Variants in ATP2C1 observed in about 807,000 individuals in gnomAD.
ATP2C1 encodes calcium-transporting ATPase type 2C member 1.
A neutral mutation model predicts 120.5 loss-of-function variants in ATP2C1; 31 were observed. That is an observed-to-expected ratio of 0.26 (90% CI 0.19 to 0.35). ATP2C1 has a LOEUF of 0.35. Ranked by LOEUF, ATP2C1 falls within the 10% of genes least tolerant of loss-of-function variation. The pLI, the probability that ATP2C1 is intolerant of heterozygous loss-of-function variation, is 1.00. For missense variants in ATP2C1, 731 were observed against 1,107.5 expected (o/e 0.66, Z 4.83); for synonymous variants, 351 against 358.7 (o/e 0.98, Z 0.24).
intron 8 of ATP2C1, among the ~76,000 whole-genome samples, chr3:130,946,533 C>A (rs1201753549): frequency 2.6e-5 from 4 of 152,206 alleles, no homozygotes; most frequent in Non-Finnish European, 4.4e-5. Context: ...CCATTATGTT[C>A]CTATCTGTGA....
chr3:130,979,232 T>A lies in ATP2C1; in HGVS notation c.1571-17T>A, dbSNP rs779993053. On this transcript the variant is annotated splice_polypyrimidine_tract_variant and intron_variant, in intron 18 of 27. Coordinates refer to ENST00000510168, the MANE Select transcript of ATP2C1 (RefSeq NM_001378687.1). ...TCACTTTTTTTTGTTGTTGTTTGGA[T>A]TTTATTATTTCCTAAGTTCTTGCTT... 2 of 1,613,282 alleles carry A rather than the reference T, an allele frequency of 1.2e-6. No individual in the cohort carries two copies. Among genetic ancestry groups the A allele is most frequent in the Non-Finnish European group, 1.7e-6 (2 of 1,179,446 alleles).
chr3:130,901,970 CAA>C (rs1377033079), intron 2 of ATP2C1, among the ~76,000 whole-genome samples: 1 of 151,872 alleles, frequency 6.6e-6, no homozygotes, highest in African/African-American at 2.4e-5. Flanking sequence ...AAGCATGCTA[CAA>C]TCCGTAAGAC....
chr3:130,893,243 C>A (rs1489780341), upstream of ATP2C1, among the ~76,000 whole-genome samples: 2 of 152,182 alleles, frequency 1.3e-5, no homozygotes, highest in Non-Finnish European at 2.9e-5. Flanking sequence ...GACAAAGGTA[C>A]AGCTGCTAAA....
chr3:131,009,698 T>C (rs2063245908), intron 26 of ATP2C1, among the ~76,000 whole-genome samples: 1 of 152,230 alleles, frequency 6.6e-6, no homozygotes, highest in Non-Finnish European at 1.5e-5. Flanking sequence ...TGGAAAGAAA[T>C]GCAGAAGCAG....
chr3:130,999,428 C>A, intron 26 of ATP2C1, 90 bp from the exon 27 acceptor site: 1 of 1,282,916 alleles, frequency 7.8e-7, no homozygotes, highest in Non-Finnish European at 1.1e-6. Flanking sequence ...GATAAAGTGA[C>A]ACTGCTTGTT....
Position 130,959,321 on chromosome 3 carries a change from A to G in ATP2C1, c.879A>G (p.Glu293=). Residue 293 remains glutamate, a synonymous_variant, in exon 12 of 28, where the codon GAA becomes GAG. Coordinates refer to ENST00000510168, the MANE Select transcript of ATP2C1 (RefSeq NM_001378687.1). ...VGWLLGKDIL[E]MFTISVSLAV... ...GGTTACTGGGAAAAGATATCCTGGA[A>G]ATGTTTACTATTAGTGTAAGGTAAG... 6.2e-7 allele frequency: 1 copy of G among 1,607,824 alleles called. No individual in the cohort carries two copies. The highest frequency in any genetic ancestry group is 8.5e-7 in the Non-Finnish European group (1 of 1,174,972).
chr3:130,860,693 T>C (rs1188110694), intron 1 of ATP2C1, among the ~76,000 whole-genome samples: 1 of 152,184 alleles, frequency 6.6e-6, no homozygotes, highest in Non-Finnish European at 1.5e-5. Flanking sequence ...CCCAATTCAT[T>C]CCCTCATACA....
chr3:130,876,537 G>C (rs950355461), intron 1 of ATP2C1, among the ~76,000 whole-genome samples: 13 of 152,048 alleles, frequency 8.5e-5, no homozygotes, highest in African/African-American at 3.1e-4. Context: ...AGTGTATTTT[G>C]AAGCCAGATA....
intron 2 of ATP2C1, among the ~76,000 whole-genome samples, chr3:130,913,826 T>C (rs1360330622): frequency 3.9e-5 from 6 of 152,348 alleles, no homozygotes; most frequent in South Asian, 2.1e-4. Flanking sequence ...AGGAGGACTT[T>C]TAGTGTTACA....
At chr3:131,007,985 C>T (rs573258107), downstream of ATP2C1, among the ~76,000 whole-genome samples, 2 of 152,202 alleles carry the variant, frequency 1.3e-5, no homozygotes, top group African/African-American at 2.4e-5. Context: ...TGTGTGGTTG[C>T]GTAATAGGAT....
chr3:131,014,546 G>A (rs1320718362), intron 26 of ATP2C1, among the ~76,000 whole-genome samples: 1 of 152,148 alleles, frequency 6.6e-6, no homozygotes, highest in Non-Finnish European at 1.5e-5. Context: ...TTCTTTGAAG[G>A]AAGGAACTGA....
chr3:130,875,622 G>C (rs535925380), intron 1 of ATP2C1, among the ~76,000 whole-genome samples: 1 of 151,718 alleles, frequency 6.6e-6, no homozygotes, highest in South Asian at 2.1e-4. Flanking sequence ...ATACTGATTT[G>C]CTTTTCTTTG....
At chr3:130,953,003 C>T (rs2060429787) in intron 8 of ATP2C1, among the ~76,000 whole-genome samples, 1 of 152,082 alleles carries the variant, frequency 6.6e-6, no homozygotes, top group Non-Finnish European at 1.5e-5. Context: ...TTTGAGAGCA[C>T]TGCAGTAGAG....
chr3:130,933,456 A>T (rs1245191198), intron 4 of ATP2C1, among the ~76,000 whole-genome samples: 3 of 152,160 alleles, frequency 2.0e-5, no homozygotes, highest in African/African-American at 7.2e-5. Flanking sequence ...TCCTTATAAC[A>T]GTTCTTTGGT....
chr3:130,954,940 G>T (rs1453833058), intron 9 of ATP2C1, 72 bp from the exon 10 acceptor site: 6 of 1,013,982 alleles, frequency 5.9e-6, no homozygotes, highest in Non-Finnish European at 3.1e-6. Context: ...AAAGTTGTTG[G>T]ATGTGTGTGT....
At position 130,984,767 on chromosome 3, in the gene ATP2C1, A is replaced by G. The variant is rs183554143; in HGVS notation, c.1839+4088A>G. Among the ~76,000 whole-genome samples, 1,087 of 152,314 alleles carry G rather than the reference A, an allele frequency of 7.1e-3. 18 individuals are homozygous for G. Among genetic ancestry groups the G allele is most frequent in the African/African-American group, 0.024 (992 of 41,568 alleles). ...CTGGAAAAAATAATTTTAAAATAAAATAATTTACATTTTTAAGAAGGAATT... is the reference window on the plus strand; with the variant it reads ...CTGGAAAAAATAATTTTAAAATAAAGTAATTTACATTTTTAAGAAGGAATT... On this transcript the variant is annotated intron_variant, in intron 20 of 27. Transcript: ENST00000510168.
In ATP2C1 at chr3:130,894,264, A is replaced by T. The variant is rs1426279439; in HGVS notation, c.-254A>T. ...CCCGCGAGCAGCTCCTCTTCTCCCG[A>T]GGCGCGCGGGGCGCCCCCGCGAGCC... is the stretch of plus-strand genomic sequence containing the variant. On this transcript the variant is annotated 5_prime_UTR_variant, in exon 1 of 28. Coordinates refer to ENST00000510168, the MANE Select transcript of ATP2C1 (RefSeq NM_001378687.1). This position sits in a 1 kb window ranked among gnomAD's most constrained non-coding sequence, Gnocchi z 4.5. The T allele has an allele frequency of 2.5e-5, 25 of 983,862 alleles. No individual in the cohort carries two copies. Among genetic ancestry groups the T allele is most frequent in the Non-Finnish European group, 2.9e-5 (24 of 829,806 alleles). 60.9% of individuals were successfully genotyped at this position (983,862 alleles called of 1,614,324 possible).
intron 19 of ATP2C1, 119 bp downstream of exon 19, chr3:130,979,538 A>C: frequency 7.1e-6 from 8 of 1,125,118 alleles, no homozygotes; most frequent in Non-Finnish European, 7.7e-6. Flanking sequence ...TGCAATTGAA[A>C]TCGACTCATG....
At chr3:130,965,854 G>C (rs967790710) in intron 14 of ATP2C1, among the ~76,000 whole-genome samples, 2 of 152,002 alleles carry the variant, frequency 1.3e-5, no homozygotes, top group South Asian at 4.2e-4. Context: ...TAAGAGAGCA[G>C]GAGCTATATT....
Sources: allele counts gnomAD v4.1 joint callset (sites outside exome capture counted in the v4.1 genomes callset), GRCh38; gene constraint gnomAD v4.1.1; non-coding constraint Gnocchi (gnomAD v3.1); transcripts MANE v1.5; gene names NCBI Gene and HGNC (gene_info 2026-07-23, HGNC 2026-07-21).